Variants in ENAH observed in about 807,000 individuals in gnomAD.
ENAH encodes the protein protein enabled homolog.
A neutral mutation model predicts 78.7 loss-of-function variants in ENAH; 23 were observed. That is an observed-to-expected ratio of 0.29 (90% confidence interval 0.21 to 0.41). The LOEUF is 0.41. Among genes scored for constraint, ENAH ranks in the 10% least tolerant of loss-of-function variants. The pLI, the probability that ENAH is intolerant of heterozygous loss-of-function variation, is 1.00. For synonymous variants in ENAH, 226 were observed against 241.0 expected, an observed-to-expected ratio of 0.94 and a Z score of 0.58; for missense variants, 544 against 691.0, an observed-to-expected ratio of 0.79 and a Z score of 2.39.
In ENAH at chr1:225,621,203, T is replaced by C. The variant is rs1035495187; in HGVS notation, c.5+31483A>G. ...CATCCTATTACCAAATTCCAGAACCTTGGTGTGACCTTTCACACCAACCAT... is the reference window on the plus strand; with the variant it reads ...CATCCTATTACCAAATTCCAGAACCCTGGTGTGACCTTTCACACCAACCAT... On this transcript the variant is annotated intron_variant, in intron 1 of 13. Transcript: ENST00000366843. Among the ~76,000 whole-genome samples, 7 of 152,302 alleles carry C rather than the reference T, an allele frequency of 4.6e-5. 1 individual carries two copies. Among genetic ancestry groups the C allele is most frequent in the Admixed American group, 3.9e-4 (6 of 15,302 alleles).
chr1:225,591,866 G>C (rs995715057), intron 1 of ENAH, among the ~76,000 whole-genome samples: 1 of 150,988 alleles, frequency 6.6e-6, no homozygotes, highest in African/African-American at 2.4e-5. Flanking sequence ...CTCTTTAGAA[G>C]CACCAGAGCA....
chr1:225,488,675 G>A lies in ENAH; in HGVS notation c.*9100C>T, dbSNP rs570482816. 2 of 152,116 alleles carry A rather than the reference G, an allele frequency of 1.3e-5. No individual in the cohort carries two copies. Among genetic ancestry groups the A allele is most frequent in the African/African-American group, 2.4e-5 (1 of 41,424 alleles). The allele number at this position is 152,116 out of a possible 1,614,324, so 9.4% of individuals were successfully genotyped here. On this transcript the variant is annotated 3_prime_UTR_variant, in exon 14 of 14. Transcript: ENST00000366843. The stretch of plus-strand genomic sequence containing the variant: ...TCTCCAAAAAAGAAAAGCACCTAAC[G>A]AAAAGCATGTCCTATTCATGCTAGC...
At chr1:225,614,973 T>TTCTCCCTCTCCCTCTCCCCGG (rs1322259017) in intron 1 of ENAH, among the ~76,000 whole-genome samples, 2 of 151,866 alleles carry the variant, frequency 1.3e-5, no homozygotes, top group Non-Finnish European at 2.9e-5. Flanking sequence ...AGTAATACTT[T>TTCTCCCTCTCCCTCTCCCCGG]TCTCCCTCTC....
Position 225,493,024 on chromosome 1 carries a change from TTA to T in ENAH, c.*4749_*4750del, listed in dbSNP as rs2096230247. ...TAATTTATCCTAGAACTCCATTTATTTATGTTGATGGTGAGTATCTGTAACCA... is the reference window on the plus strand; with the variant it reads ...TAATTTATCCTAGAACTCCATTTATTTGTTGATGGTGAGTATCTGTAACCA... On this transcript the variant is annotated 3_prime_UTR_variant, in exon 14 of 14. Coordinates refer to ENST00000366843, the MANE Select transcript of ENAH (RefSeq NM_018212.6). The T allele has an allele frequency of 6.6e-6, 1 of 152,242 alleles. No homozygotes were observed. Among genetic ancestry groups the T allele is most frequent in the Non-Finnish European group, 1.5e-5 (1 of 68,038 alleles). The allele number at this position is 152,242 out of a possible 1,614,324, so 9.4% of individuals were successfully genotyped here.
rs567772676 is a variant in ENAH, at chr1:225,515,361, A to G, written c.914-461T>C. ...AGTGAACACATACATTTAATTGTTT[A>G]CAGTCAAAGTGGCTGTATTAAAAAC... On this transcript the variant is annotated intron_variant, in intron 6 of 13. Transcript: ENST00000366843. 161 of 153,460 alleles carry G rather than the reference A, an allele frequency of 1.0e-3. 1 individual carries two copies. The highest frequency in any genetic ancestry group is 3.3e-3 in the South Asian group (16 of 4,882). The allele number at this position is 153,460 out of a possible 1,614,324, so 9.5% of individuals were successfully genotyped here. A position where few individuals can be genotyped will look rare whatever the true frequency, so the allele number is the denominator to read the frequency against.
chr1:225,652,862 G>A lies in ENAH; in HGVS notation c.-172C>T, dbSNP rs1663306703. The A allele has an allele frequency of 4.6e-6, 2 of 437,614 alleles. No homozygotes were observed. Among genetic ancestry groups the A allele is most frequent in the Non-Finnish European group, 7.6e-6 (2 of 262,362 alleles). 27.1% of individuals were successfully genotyped at this position (437,614 alleles called of 1,614,324 possible). A position where few individuals can be genotyped will look rare whatever the true frequency, so the allele number is the denominator to read the frequency against. The stretch of plus-strand genomic sequence containing the variant: ...CCATCTCCTCGCACAAAGCCGAGGC[G>A]CCGGCCGGGAGTGTGGGAGAAGAGG... On this transcript the variant is annotated 5_prime_UTR_variant, in exon 1 of 14. Transcript: ENST00000366843.
At chr1:225,593,140 G>A (rs1211059740) in intron 1 of ENAH, among the ~76,000 whole-genome samples, 1 of 151,998 alleles carries the variant, frequency 6.6e-6, no homozygotes, top group Non-Finnish European at 1.5e-5. Context: ...ATAAGAGATG[G>A]CACATAGTAG....
At chr1:225,500,356 T>C (rs2096275192) in intron 12 of ENAH, among the ~76,000 whole-genome samples, 1 of 152,204 alleles carries the variant, frequency 6.6e-6, no homozygotes, top group Admixed American at 6.5e-5. Context: ...TTTTTCTTTT[T>C]TATAAAATTG....
rs540654035 is a variant in ENAH at position 225,585,036 on chromosome 1, G to A, written c.6-17622C>T. On this transcript the variant is annotated intron_variant, in intron 1 of 13. Transcript: ENST00000366843. ...TCAAGACCATCCTGGCCAACATGGT[G>A]AAACCATATCTCTACTAAAAATACA... 1.2e-4 allele frequency among the ~76,000 whole-genome samples: 18 copies of A among 151,940 alleles called. 1 individual carries two copies. The South Asian group carries it at 2.9e-3, about 25-fold the overall frequency.
intron 3 of ENAH, among the ~76,000 whole-genome samples, chr1:225,548,119 C>T (rs79132678): frequency 0.045 from 6,780 of 150,856 alleles, 233 homozygotes; most frequent in South Asian, 0.11. Context: ...ATGTCTTTAC[C>T]GGGCAGTTAA....
intron 1 of ENAH, among the ~76,000 whole-genome samples, chr1:225,573,645 G>A (rs1483157630): frequency 1.3e-5 from 2 of 152,192 alleles, no homozygotes; most frequent in East Asian, 1.9e-4. Flanking sequence ...AAAGGAGGGA[G>A]AGGAAAGCAC....
At position 225,494,697 on chromosome 1, in the gene ENAH, A is replaced by C. The variant is rs941499808; in HGVS notation, c.*3078T>G. On this transcript the variant is annotated 3_prime_UTR_variant, in exon 14 of 14. Coordinates refer to ENST00000366843, the MANE Select transcript of ENAH (RefSeq NM_018212.6). The stretch of plus-strand genomic sequence containing the variant: ...AATCTGTAAAGAATAGTGACGTGAC[A>C]TGTAAACTTTTAAGTAGTAAAGTCT... 7.2e-5 allele frequency: 11 copies of C among 152,370 alleles called. No homozygotes were observed. The highest frequency in any genetic ancestry group is 2.1e-4 in the South Asian group (1 of 4,832). The allele number at this position is 152,370 out of a possible 1,614,324, so 9.4% of individuals were successfully genotyped here.
chr1:225,509,835 T>A (rs986710920), intron 10 of ENAH, among the ~76,000 whole-genome samples: 5 of 152,230 alleles, frequency 3.3e-5, no homozygotes, highest in Non-Finnish European at 5.9e-5. Context: ...CTCTTCTTGC[T>A]CATCTCCAAC....
At chr1:225,628,356 AT>A (rs1658330669) in intron 1 of ENAH, among the ~76,000 whole-genome samples, 1 of 152,206 alleles carries the variant, frequency 6.6e-6, no homozygotes, top group South Asian at 2.1e-4. Flanking sequence ...ATCTTAAGGA[AT>A]TAGTCTGCAA....
Position 225,519,325 on chromosome 1 carries a change from C to A in ENAH, c.675G>T (p.Glu225Asp), listed in dbSNP as rs1334151603. The A allele has an allele frequency of 7.4e-6, 12 of 1,613,986 alleles. No homozygotes were observed. In the Admixed American group the frequency reaches 8.3e-5, roughly 11 times the overall value. ...TCTCTCGTTCTTGTCTTTCTTGCCT[C>A]TCCCGATCCAGGCGTTCCTGCCGCT... ...RLERQERLDR[E>D]RQERQERERL... The change falls in exon 5 of 14, where the codon GAG becomes GAT. Residue 225 changes from glutamate (E) to aspartate (D), a missense_variant. Transcript: ENST00000366843.
chr1:225,532,253 T>C lies in ENAH; in HGVS notation c.350-1615A>G, dbSNP rs1052101148. ...ACACACAAGTGTGGGGAGGGGCGGGTAAATCTGAGGTAGCATGAAATTATT... is the reference window on the plus strand; with the variant it reads ...ACACACAAGTGTGGGGAGGGGCGGGCAAATCTGAGGTAGCATGAAATTATT... On this transcript the variant is annotated intron_variant, in intron 3 of 13. Coordinates refer to ENST00000366843, the MANE Select transcript of ENAH (RefSeq NM_018212.6). Among the ~76,000 whole-genome samples the C allele has an allele frequency of 2.6e-5, 4 of 151,954 alleles. No homozygotes were observed. In the South Asian group the frequency reaches 8.3e-4, roughly 31 times the overall value.
intron 1 of ENAH, among the ~76,000 whole-genome samples, chr1:225,623,020 A>G (rs1657285107): frequency 6.6e-6 from 1 of 152,196 alleles, no homozygotes; most frequent in South Asian, 2.1e-4. Flanking sequence ...TTGAAACAGA[A>G]AAACTTGCAA....
Position 225,500,888 on chromosome 1 carries a change from C to T in ENAH, c.1617+104G>A, listed in dbSNP as rs1373022029. 2.5e-5 allele frequency: 26 copies of T among 1,053,374 alleles called. No individual in the cohort carries two copies. In the South Asian group the frequency reaches 2.9e-4, roughly 12 times the overall value. The allele number at this position is 1,053,374 out of a possible 1,614,324, so 65.3% of individuals were successfully genotyped here. A position where few individuals can be genotyped will look rare whatever the true frequency, so the allele number is the denominator to read the frequency against. On this transcript the variant is annotated intron_variant, in intron 12 of 13. Coordinates refer to ENST00000366843, the MANE Select transcript of ENAH (RefSeq NM_018212.6). ...TTAATTTGTATAACAATAGCTCTATCGTCTTTCTAAGTACATTCAGGATCC... is the reference window on the plus strand; with the variant it reads ...TTAATTTGTATAACAATAGCTCTATTGTCTTTCTAAGTACATTCAGGATCC...
At chr1:225,624,802 T>A (rs1383342783) in intron 1 of ENAH, among the ~76,000 whole-genome samples, 2 of 152,052 alleles carry the variant, frequency 1.3e-5, no homozygotes, top group African/African-American at 4.8e-5. Flanking sequence ...CAGATTAAGG[T>A]CCCCTAAAAG....
Sources: allele counts gnomAD v4.1 joint callset (sites outside exome capture counted in the v4.1 genomes callset), GRCh38; gene constraint gnomAD v4.1.1; transcripts MANE v1.5; gene names NCBI Gene and HGNC (gene_info 2026-07-23, HGNC 2026-07-21).